Variants in NSMCE4A observed in about 807,000 individuals in gnomAD.
NSMCE4A encodes the protein non-structural maintenance of chromosomes element 4 homolog A.
Under a neutral mutation model 47.9 loss-of-function variants are expected in NSMCE4A, and 40 were observed. That is an observed-to-expected ratio of 0.83 (90% CI 0.65 to 1.09). The LOEUF is 1.09. NSMCE4A is among the 50% of genes least tolerant of loss of function. The probability of loss-of-function intolerance (pLI) is 0.00; values close to 1 mark genes in which losing one functional copy is unlikely to be tolerated. For missense variants in NSMCE4A, 500 were observed against 507.0 expected (o/e 0.99, Z 0.13); for synonymous variants, 166 against 178.5 (o/e 0.93, Z 0.56).
chr10:121,964,475 G>A (rs1019085643), intron 5 of NSMCE4A, among the ~76,000 whole-genome samples: 5 of 145,884 alleles, frequency 3.4e-5, no homozygotes, highest in Non-Finnish European at 7.5e-5. Context: ...ACGGACTCTC[G>A]CTCTGTCGCC....
In NSMCE4A at chr10:121,967,589, C is replaced by T. The variant is rs898494719; in HGVS notation, c.653+66G>A. The T allele has an allele frequency of 8.7e-6, 13 of 1,498,878 alleles. 1 individual carries two copies. In the East Asian group the frequency reaches 3.0e-4, roughly 34 times the overall value. 92.8% of individuals were successfully genotyped at this position (1,498,878 alleles called of 1,614,324 possible). A position where few individuals can be genotyped will look rare whatever the true frequency, so the allele number is the denominator to read the frequency against. Reference sequence around the variant, plus strand: ...TCTACAATACCAAATAATCTTTGTCCCTACAAGAAAAAGCAATTTAAGGTT... The same window carrying T: ...TCTACAATACCAAATAATCTTTGTCTCTACAAGAAAAAGCAATTTAAGGTT... On this transcript the variant is annotated intron_variant, in intron 4 of 10. Transcript: ENST00000369023.
In NSMCE4A at chr10:121,967,760, C is replaced by T. The variant is rs1477288921; in HGVS notation, c.548G>A (p.Arg183His). The change falls in exon 4 of 11, where the codon CGT becomes CAT. Residue 183 changes from arginine (R) to histidine (H), a missense_variant. Arg to His is a conservative substitution (Grantham distance 29). Coordinates refer to ENST00000369023, the MANE Select transcript of NSMCE4A (RefSeq NM_017615.3). ...TTCAAAATCAGGACTATCTTCATCA[C>T]GGATGAGTTCTTCAGCTTCTAGCGG... ...VNPLEAEELI[R>H]DEDSPDFEFI... 54 of 1,614,054 alleles carry T rather than the reference C, an allele frequency of 3.3e-5. No individual in the cohort carries two copies. Among genetic ancestry groups the T allele is most frequent in the Middle Eastern group, 1.6e-4 (1 of 6,062 alleles).
At chr10:121,972,808 T>C (rs531677782) in intron 2 of NSMCE4A, among the ~76,000 whole-genome samples, 1 of 152,212 alleles carries the variant, frequency 6.6e-6, no homozygotes, top group South Asian at 2.1e-4. Context: ...GCAAATGCGG[T>C]AGACTAAGAT....
At chr10:121,968,008 A>C (rs1290313932) in intron 3 of NSMCE4A, among the ~76,000 whole-genome samples, 1 of 152,230 alleles carries the variant, frequency 6.6e-6, no homozygotes, top group East Asian at 1.9e-4. Context: ...TTTTGGCAGA[A>C]AACATTCCTC....
Position 121,974,206 on chromosome 10 carries a change from CATCTTT to C in NSMCE4A, c.293-131_293-126del. On this transcript the variant is annotated intron_variant, in intron 1 of 10. Coordinates refer to ENST00000369023, the MANE Select transcript of NSMCE4A (RefSeq NM_017615.3). ...CTGCGCTCTGAGTAATTACTTCGAA[CATCTTT>C]ATCTTTTTAACCAAAATGACCCGGA... 6 of 1,372,750 alleles carry C rather than the reference CATCTTT, an allele frequency of 4.4e-6. 1 individual carries two copies. Among genetic ancestry groups the C allele is most frequent in the Non-Finnish European group, 5.9e-6 (6 of 1,018,802 alleles). 85.0% of individuals were successfully genotyped at this position (1,372,750 alleles called of 1,614,324 possible). A position where few individuals can be genotyped will look rare whatever the true frequency, so the allele number is the denominator to read the frequency against.
chr10:121,971,717 T>C (rs1952717364), intron 2 of NSMCE4A, among the ~76,000 whole-genome samples: 2 of 152,284 alleles, frequency 1.3e-5, no homozygotes, highest in South Asian at 4.1e-4. Flanking sequence ...TGATCATGTG[T>C]GCTGACGTAA....
Position 121,975,101 on chromosome 10 carries a change from TCCCGATGCGGGTCGCGGC to T in NSMCE4A, c.47_64del (p.Gly16_Arg21del). The T allele has an allele frequency of 7.0e-7, 1 of 1,436,498 alleles. No homozygotes were observed. 89.0% of individuals were successfully genotyped at this position (1,436,498 alleles called of 1,614,324 possible). ...CGAGCGGGAGCGGGAGCGGGTGCGATCCCGATGCGGGTCGCGGCCCCGGCCCCGGCCCTCTGGCCCGCG... is the reference window on the plus strand; with the variant it reads ...CGAGCGGGAGCGGGAGCGGGTGCGATCCCGGCCCCGGCCCTCTGGCCCGCG... On this transcript the variant is annotated inframe_deletion, in exon 1 of 11. Coordinates refer to ENST00000369023, the MANE Select transcript of NSMCE4A (RefSeq NM_017615.3).
intron 3 of NSMCE4A, among the ~76,000 whole-genome samples, chr10:121,968,902 G>A (rs1952654181): frequency 6.6e-6 from 1 of 152,210 alleles, no homozygotes; most frequent in South Asian, 2.1e-4. Context: ...TTAACTGACA[G>A]AGAAATCCAC....
rs557978614 is a variant in NSMCE4A at position 121,968,532 on chromosome 10, G to A, written c.502-726C>T. ...CAGAGAGCAGTGGCCCGGCATCACTGAGAGAATGGCTCATCTTAAAATTGC... is the reference window on the plus strand; with the variant it reads ...CAGAGAGCAGTGGCCCGGCATCACTAAGAGAATGGCTCATCTTAAAATTGC... On this transcript the variant is annotated intron_variant, in intron 3 of 10. Coordinates refer to ENST00000369023, the MANE Select transcript of NSMCE4A (RefSeq NM_017615.3). Among the ~76,000 whole-genome samples, 21 of 152,272 alleles carry A rather than the reference G, an allele frequency of 1.4e-4. 1 individual carries two copies. In the East Asian group the frequency reaches 3.5e-3, roughly 25 times the overall value.
intron 6 of NSMCE4A, 35 bp downstream of exon 6, chr10:121,963,203 A>G: frequency 7.5e-7 from 1 of 1,324,696 alleles, no homozygotes; most frequent in Non-Finnish European, 1.1e-6. Context: ...ACAGATAAAT[A>G]CAAATTGCTC....
Position 121,959,403 on chromosome 10 carries a change from A to T in NSMCE4A, c.1091T>A (p.Val364Glu). ...ALSYRDWEEI[V>E]KTFEISEPVI... The stretch of plus-strand genomic sequence containing the variant: ...AGGCTCTGAAATCTCAAAGGTCTTC[A>T]CAATCTCCTGGCAGACAATAATGAA... Residue 364 changes from valine (V) to glutamate (E), a missense_variant, in exon 10 of 11, where the codon GTG becomes GAG. By Grantham distance (121) the Val-to-Glu change is moderately radical. Transcript: ENST00000369023. The T allele has an allele frequency of 1.2e-6, 2 of 1,614,220 alleles. No individual in the cohort carries two copies. The highest frequency in any genetic ancestry group is 4.5e-5 in the East Asian group (2 of 44,890).
intron 1 of NSMCE4A, 118 bp downstream of exon 1, chr10:121,974,756 A>C: frequency 4.0e-5 from 47 of 1,167,040 alleles, no homozygotes; most frequent in Non-Finnish European, 5.0e-5. Flanking sequence ...GCGCGTCTCT[A>C]CTAACGCCGC....
intron 5 of NSMCE4A, among the ~76,000 whole-genome samples, chr10:121,964,495 G>T (rs1336612317): frequency 6.6e-6 from 1 of 151,292 alleles, no homozygotes; most frequent in African/African-American, 2.4e-5. Context: ...CCAGGCTGGA[G>T]TACAGTGGCA....
Position 121,960,369 on chromosome 10 carries a change from A to C in NSMCE4A, c.977T>G (p.Leu326Arg). 1.3e-6 allele frequency: 2 copies of C among 1,495,676 alleles called. No homozygotes were observed. Among genetic ancestry groups the C allele is most frequent in the Non-Finnish European group, 1.8e-6 (2 of 1,134,662 alleles). The allele number at this position is 1,495,676 out of a possible 1,614,324, so 92.7% of individuals were successfully genotyped here. The change falls in exon 8 of 11, where the codon CTG becomes CGG. Residue 326 changes from leucine (L) to arginine (R), a missense_variant. Leu to Arg is a moderately radical substitution (Grantham distance 102). Coordinates refer to ENST00000369023, the MANE Select transcript of NSMCE4A (RefSeq NM_017615.3). This position sits in a 1 kb window ranked among gnomAD's most constrained non-coding sequence, Gnocchi z 4.2. ...ATAGTATCATTTACCTATTACTGGC[A>C]GTCGGTCTTGGTCAAGTCTTATTCT... ...FARIRLDQDR[L>R]PVIEPVSINE... is the part of the protein sequence containing the mutation.
At chr10:121,973,625 C>G (rs1271939103) in intron 2 of NSMCE4A, among the ~76,000 whole-genome samples, 1 of 152,100 alleles carries the variant, frequency 6.6e-6, no homozygotes, top group East Asian at 1.9e-4. Flanking sequence ...CAGAATGGGA[C>G]AGGAAAAGAA....
intron 1 of NSMCE4A, 195 bp from the exon 2 acceptor site, chr10:121,974,276 T>C: frequency 7.1e-7 from 1 of 1,403,040 alleles, no homozygotes. Context: ...GCAGCATGAA[T>C]TTTAAAAGGA....
intron 1 of NSMCE4A, chr10:121,974,392 T>A: frequency 9.3e-7 from 1 of 1,078,626 alleles, no homozygotes; most frequent in East Asian, 6.0e-5. Context: ...ATACACACCA[T>A]CACCTGGAGG....
intron 7 of NSMCE4A, 134 bp downstream of exon 7, chr10:121,961,289 T>A: frequency 1.9e-6 from 1 of 519,080 alleles, no homozygotes; most frequent in East Asian, 3.6e-5. Flanking sequence ...CCAATTAATG[T>A]TTTGCTACAA....
rs951028502 is a variant in NSMCE4A at position 121,971,129 on chromosome 10, T to C, written c.371-60A>G. On this transcript the variant is annotated intron_variant, in intron 2 of 10. Transcript: ENST00000369023. ...AAATACACATTATCCATAGACTTTT[T>C]CCCTACATTTCCAACTACTTACCAG... The C allele has an allele frequency of 2.6e-5, 37 of 1,430,648 alleles. No individual in the cohort carries two copies. In the South Asian group the frequency reaches 3.6e-4, roughly 14 times the overall value. 88.6% of individuals were successfully genotyped at this position (1,430,648 alleles called of 1,614,324 possible). A position where few individuals can be genotyped will look rare whatever the true frequency, so the allele number is the denominator to read the frequency against.
Sources: allele counts gnomAD v4.1 joint callset (sites outside exome capture counted in the v4.1 genomes callset), GRCh38; gene constraint gnomAD v4.1.1; non-coding constraint Gnocchi (gnomAD v3.1); transcripts MANE v1.5; gene names NCBI Gene and HGNC (gene_info 2026-07-23, HGNC 2026-07-21).